The following RNF130 variants were observed in gnomAD, a reference collection of about 807,000 sequenced individuals.
The protein encoded by RNF130 is ring finger protein 130, also known as E3 ubiquitin-protein ligase RNF130.
In RNF130, 21 loss-of-function variants were observed where a neutral mutation model predicts 44.6. That is an observed-to-expected ratio of 0.47 (90% CI 0.33 to 0.68). The LOEUF (loss-of-function observed/expected upper bound fraction) is 0.68, where lower values mean the gene tolerates loss of function less well. RNF130 is among the 30% of genes least tolerant of loss of function. The pLI, the probability that RNF130 is intolerant of heterozygous loss-of-function variation, is 0.02. For synonymous variants in RNF130, 214 were observed against 210.4 expected, an observed-to-expected ratio of 1.02 and a Z score of -0.15; for missense variants, 479 against 560.6, an observed-to-expected ratio of 0.85 and a Z score of 1.47.
chr5:179,984,230 C>G (rs1762903060), intron 3 of RNF130, among the ~76,000 whole-genome samples: 2 of 152,146 alleles, frequency 1.3e-5, no homozygotes, highest in African/African-American at 4.8e-5. Context: ...TAAATGAAGA[C>G]AGCTTACTTC....
At chr5:180,055,248 C>CAAAAAAAA in intron 1 of RNF130, among the ~76,000 whole-genome samples, 1 of 20,978 alleles carries the variant, frequency 4.8e-5, no homozygotes, top group Non-Finnish European at 7.3e-5. Flanking sequence ...GGTTCTGTCT[C>CAAAAAAAA]AAAAAAAAAA....
intron 3 of RNF130, among the ~76,000 whole-genome samples, chr5:179,994,279 T>C (rs929605550): frequency 1.1e-4 from 16 of 152,340 alleles, no homozygotes; most frequent in Admixed American, 3.9e-4. Context: ...GGGGATGGCA[T>C]TGAATCTATA....
chr5:180,024,674 T>TA (rs1763948526), intron 2 of RNF130, among the ~76,000 whole-genome samples: 1 of 152,070 alleles, frequency 6.6e-6, no homozygotes, highest in Admixed American at 6.5e-5. Flanking sequence ...TGAAATGATT[T>TA]AAAAAAAGGG....
intron 2 of RNF130, among the ~76,000 whole-genome samples, chr5:180,034,795 G>C (rs990213299): frequency 6.6e-6 from 1 of 152,128 alleles, no homozygotes; most frequent in African/African-American, 2.4e-5. Flanking sequence ...AGTCCTCCTA[G>C]TGAGTCACTG....
intron 3 of RNF130, among the ~76,000 whole-genome samples, chr5:179,983,767 C>T (rs1471417084): frequency 6.6e-6 from 1 of 152,210 alleles, no homozygotes; most frequent in Non-Finnish European, 1.5e-5. Flanking sequence ...TTCCACTGAA[C>T]ACTGTGTATG....
chr5:180,005,145 T>C (rs1399350676), intron 3 of RNF130, among the ~76,000 whole-genome samples: 1 of 152,158 alleles, frequency 6.6e-6, no homozygotes, highest in East Asian at 1.9e-4. Flanking sequence ...ACCGTACTGA[T>C]GGCCCGGCGT....
chr5:180,018,893 C>G (rs1763805211), intron 2 of RNF130, among the ~76,000 whole-genome samples: 1 of 152,240 alleles, frequency 6.6e-6, no homozygotes, highest in East Asian at 1.9e-4. Flanking sequence ...CGGGGCAAGC[C>G]CAGTGTAGCT....
chr5:180,010,306 G>A (rs1029526492), intron 3 of RNF130, among the ~76,000 whole-genome samples: 1 of 147,548 alleles, frequency 6.8e-6, no homozygotes, highest in Middle Eastern at 3.3e-3. Flanking sequence ...GTGAGGAAGT[G>A]AAGAATTCCA....
At chr5:179,938,146 T>A (rs970736921) in intron 7 of RNF130, among the ~76,000 whole-genome samples, 3 of 151,970 alleles carry the variant, frequency 2.0e-5, no homozygotes, top group African/African-American at 7.3e-5. Flanking sequence ...TTTGTAGAGA[T>A]GGGGTTTTGC....
chr5:179,940,704 G>A (rs575184660), intron 7 of RNF130, among the ~76,000 whole-genome samples: 1 of 150,832 alleles, frequency 6.6e-6, no homozygotes, highest in Admixed American at 6.6e-5. Context: ...TTTTCACTCT[G>A]CTTGGTGTTC....
intron 3 of RNF130, among the ~76,000 whole-genome samples, chr5:179,992,242 C>T (rs981251837): frequency 3.9e-5 from 6 of 152,128 alleles, no homozygotes; most frequent in Admixed American, 1.3e-4. Flanking sequence ...CCCGAGTTCA[C>T]GCCATTCTCC....
At chr5:180,037,558 G>A (rs891871955) in intron 2 of RNF130, among the ~76,000 whole-genome samples, 1 of 152,204 alleles carries the variant, frequency 6.6e-6, no homozygotes, top group Non-Finnish European at 1.5e-5. Flanking sequence ...ATCAAGATCT[G>A]TAGGCCAGCA....
At chr5:179,967,122 T>C in intron 6 of RNF130, 112 bp from the exon 7 acceptor site, 1 of 902,506 alleles carries the variant, frequency 1.1e-6, no homozygotes, top group Non-Finnish European at 1.7e-6. Flanking sequence ...TACCAGGTTC[T>C]TTTCCTGTGA....
At chr5:179,927,898 T>C (rs1456633436) in intron 7 of RNF130, among the ~76,000 whole-genome samples, 1 of 152,122 alleles carries the variant, frequency 6.6e-6, no homozygotes, top group Non-Finnish European at 1.5e-5. Flanking sequence ...CCTAGCTTTG[T>C]CTATTTTTAA....
intron 2 of RNF130, among the ~76,000 whole-genome samples, chr5:180,018,290 A>G (rs999711626): frequency 7.7e-5 from 6 of 77,746 alleles, no homozygotes; most frequent in Non-Finnish European, 1.1e-4. Context: ...GTGAGACTCC[A>G]TCTCAAAAAA....
chr5:179,995,443 A>T (rs1173689950), intron 3 of RNF130, among the ~76,000 whole-genome samples: 1 of 152,104 alleles, frequency 6.6e-6, no homozygotes, highest in African/African-American at 2.4e-5. Context: ...CTTTCCTACC[A>T]AAGACCCAGT....
At chr5:179,951,625 T>TA (rs1438350920), downstream of RNF130, among the ~76,000 whole-genome samples, 1 of 152,164 alleles carries the variant, frequency 6.6e-6, no homozygotes, top group Non-Finnish European at 1.5e-5. Context: ...TGTACATTCT[T>TA]AAGTGCACAT....
chr5:180,026,031 A>G (rs1763976973), intron 2 of RNF130, among the ~76,000 whole-genome samples: 1 of 152,086 alleles, frequency 6.6e-6, no homozygotes, highest in Admixed American at 6.6e-5. Flanking sequence ...TCAATGCTAG[A>G]TAATAAATAT....
intron 2 of RNF130, among the ~76,000 whole-genome samples, chr5:180,025,816 G>A (rs1162901381): frequency 2.6e-5 from 4 of 151,958 alleles, no homozygotes; most frequent in Admixed American, 6.6e-5. Flanking sequence ...AACTTTAAAC[G>A]GTAAAACAAT....
Sources: gnomAD v4.1 joint callset for allele counts (sites outside exome capture counted in the v4.1 genomes callset) on GRCh38, gnomAD v4.1.1 for gene constraint, MANE v1.5 for transcripts, NCBI Gene and HGNC (gene_info 2026-07-23, HGNC 2026-07-21) for gene names.